The following EFCAB13 variants were observed in gnomAD, a reference collection of about 807,000 sequenced individuals.
EFCAB13 encodes the protein EF-hand calcium-binding domain-containing protein 13.
In EFCAB13, 91 loss-of-function variants were observed where a neutral mutation model predicts 110.2. That is an observed-to-expected ratio of 0.83 (90% CI 0.70 to 0.98). EFCAB13 has a LOEUF of 0.98. Ranked by LOEUF, EFCAB13 falls within the 50% of genes least tolerant of loss-of-function variation. The pLI, the probability that EFCAB13 is intolerant of heterozygous loss-of-function variation, is 0.00. For synonymous variants in EFCAB13, 323 were observed against 369.9 expected, an observed-to-expected ratio of 0.87 and a Z score of 1.45; for missense variants, 968 against 1,119.4, an observed-to-expected ratio of 0.86 and a Z score of 1.93.
In EFCAB13 at chr17:47,431,260, C is replaced by CA. The variant is rs1905110186; in HGVS notation, c.2638+1299_2638+1300insA. 6.6e-6 allele frequency among the ~76,000 whole-genome samples: 1 copy of CA among 151,922 alleles called. No individual in the cohort carries two copies. The highest frequency in any genetic ancestry group is 2.4e-5 in the African/African-American group (1 of 41,400). On this transcript the variant is annotated intron_variant, in intron 24 of 24. Transcript: ENST00000331493. This position sits in a 1 kb window ranked among gnomAD's most constrained non-coding sequence, Gnocchi z 4.1. ...ACCCCTTTTTTTAATCTCCTTCCGCCTATATCCTAACATCTATTTTTTCTT... is the reference window on the plus strand; with the variant it reads ...ACCCCTTTTTTTAATCTCCTTCCGCCATATATCCTAACATCTATTTTTTCTT...
chr17:47,354,815 T>G (rs907070686), intron 9 of EFCAB13, among the ~76,000 whole-genome samples: 8 of 152,214 alleles, frequency 5.3e-5, no homozygotes, highest in Admixed American at 5.2e-4. Flanking sequence ...GGTGAATTCT[T>G]ATCCATTCTG....
intron 5 of EFCAB13, among the ~76,000 whole-genome samples, chr17:47,338,639 T>G (rs1158129243): frequency 1.3e-5 from 2 of 152,180 alleles, no homozygotes; most frequent in African/African-American, 4.8e-5. Context: ...TCCCTTGCTT[T>G]CTATTGCACC....
intron 18 of EFCAB13, 73 bp from the exon 19 acceptor site, chr17:47,403,805 A>G: frequency 1.5e-6 from 2 of 1,375,756 alleles, no homozygotes; most frequent in Admixed American, 4.6e-5. Flanking sequence ...ATAATAAACT[A>G]TGGATTTCCA....
chr17:47,363,705 C>T (rs976985729), intron 10 of EFCAB13, among the ~76,000 whole-genome samples: 9 of 152,104 alleles, frequency 5.9e-5, no homozygotes, highest in African/African-American at 2.2e-4. Context: ...GCCAAAGGAA[C>T]AGTTTGTGTA....
At chr17:47,393,315 A>G (rs752408911) in intron 15 of EFCAB13, among the ~76,000 whole-genome samples, 2 of 152,184 alleles carry the variant, frequency 1.3e-5, no homozygotes, top group Non-Finnish European at 2.9e-5. Context: ...TTGGAAAATA[A>G]TATGTAGTAT....
In EFCAB13 at chr17:47,400,856, A is replaced by C. The variant is rs139236472; in HGVS notation, c.1946-1276A>C. 2.7e-3 allele frequency among the ~76,000 whole-genome samples: 408 copies of C among 152,304 alleles called. 2 individuals are homozygous for C. The highest frequency in any genetic ancestry group is 5.1e-3 in the Admixed American group (78 of 15,302). On this transcript the variant is annotated intron_variant, in intron 17 of 24. Transcript: ENST00000331493. The stretch of plus-strand genomic sequence containing the variant: ...CTTTAAGCTACTGTAAATTGAAGAC[A>C]CTTAATTAAGAGCGTCTTTATATAA...
At chr17:47,397,778 A>G (rs1391443304) in intron 17 of EFCAB13, among the ~76,000 whole-genome samples, 15 of 145,714 alleles carry the variant, frequency 1.0e-4, no homozygotes, top group African/African-American at 3.1e-4. Context: ...CCGCCTGGCA[A>G]CCGCCCGTCT....
intron 16 of EFCAB13, among the ~76,000 whole-genome samples, chr17:47,394,537 A>G (rs1417973258): frequency 6.6e-6 from 1 of 152,156 alleles, no homozygotes; most frequent in Non-Finnish European, 1.5e-5. Flanking sequence ...ACTAGGCTTT[A>G]TGTTAAGCTG....
At chr17:47,402,579 C>T (rs1011500909) in intron 18 of EFCAB13, among the ~76,000 whole-genome samples, 1 of 152,044 alleles carries the variant, frequency 6.6e-6, no homozygotes, top group African/African-American at 2.4e-5. Flanking sequence ...GTGGAATAGA[C>T]AATTCTAGGT....
chr17:47,405,158 A>G (rs1598753666), intron 20 of EFCAB13, among the ~76,000 whole-genome samples: 1 of 152,296 alleles, frequency 6.6e-6, no homozygotes, highest in South Asian at 2.1e-4. Context: ...CTTTTAAAAG[A>G]CTGCATAATG....
chr17:47,335,653 G>A (rs943935040), intron 5 of EFCAB13, among the ~76,000 whole-genome samples: 2 of 152,170 alleles, frequency 1.3e-5, no homozygotes, highest in African/African-American at 4.8e-5. Context: ...AATTGCTCAT[G>A]GTTCTGCAGA....
At chr17:47,373,261 GTTTA>G (rs1234643054) in intron 11 of EFCAB13, among the ~76,000 whole-genome samples, 7 of 151,768 alleles carry the variant, frequency 4.6e-5, no homozygotes, top group South Asian at 2.1e-4. Context: ...CTTGATTTTT[GTTTA>G]TTTATTTTCT....
chr17:47,436,943 T>TTTGTCA (rs1019448051), intron 24 of EFCAB13, among the ~76,000 whole-genome samples: 2 of 152,040 alleles, frequency 1.3e-5, no homozygotes, highest in African/African-American at 2.4e-5. Flanking sequence ...ATCCCAGAGG[T>TTTGTCA]TTTGATAGGT....
chr17:47,378,443 T>G (rs2065628598), intron 13 of EFCAB13, among the ~76,000 whole-genome samples: 1 of 152,142 alleles, frequency 6.6e-6, no homozygotes, highest in Admixed American at 6.6e-5. Flanking sequence ...TATCAGTAAC[T>G]AAGCATTTTC....
intron 24 of EFCAB13, among the ~76,000 whole-genome samples, chr17:47,434,468 C>T (rs1905175769): frequency 6.6e-6 from 1 of 152,132 alleles, no homozygotes; most frequent in Admixed American, 6.5e-5. Flanking sequence ...AATTACCGTA[C>T]TGCCAAAAGC....
intron 6 of EFCAB13, among the ~76,000 whole-genome samples, chr17:47,343,736 G>T (rs1354864907): frequency 6.6e-6 from 1 of 152,048 alleles, no homozygotes; most frequent in African/African-American, 2.4e-5. Flanking sequence ...TTTACTCAAT[G>T]ATAGGGATAA....
At chr17:47,361,631 T>C (rs1182525964) in intron 10 of EFCAB13, 110 bp downstream of exon 10, 2 of 913,764 alleles carry the variant, frequency 2.2e-6, no homozygotes, top group Admixed American at 3.1e-5. Context: ...CTTTTTTCTC[T>C]TGATTCTTAC....
intron 15 of EFCAB13, among the ~76,000 whole-genome samples, chr17:47,393,129 C>G (rs2065717148): frequency 6.6e-6 from 1 of 152,068 alleles, no homozygotes; most frequent in Admixed American, 6.6e-5. Flanking sequence ...CTGTTGGCCT[C>G]AAACTCCTGG....
In EFCAB13 at chr17:47,341,975, A is replaced by AG; in HGVS notation, c.247dup (p.Glu83GlyfsTer16). ...AAGAAAAGTCCTCTGATTTTTCAGGAGAAAAAAAAGTTGGGAGAAAGAGTT... is the reference window on the plus strand; with the variant it reads ...AAGAAAAGTCCTCTGATTTTTCAGGAGGAAAAAAAAGTTGGGAGAAAGAGTT... On this transcript the variant is annotated frameshift_variant, in exon 6 of 25. Coordinates refer to ENST00000331493, the MANE Select transcript of EFCAB13 (RefSeq NM_152347.5). LOFTEE classifies it high-confidence loss of function. 2 of 1,601,328 alleles carry AG rather than the reference A, an allele frequency of 1.2e-6. No individual in the cohort carries two copies. The highest frequency in any genetic ancestry group is 2.3e-5 in the East Asian group (1 of 44,290).
Sources: allele counts gnomAD v4.1 joint callset (sites outside exome capture counted in the v4.1 genomes callset), GRCh38; gene constraint gnomAD v4.1.1; non-coding constraint Gnocchi (gnomAD v3.1); transcripts MANE v1.5; gene names NCBI Gene and HGNC (gene_info 2026-07-23, HGNC 2026-07-21).